The following HPSE2 variants were observed in gnomAD, a reference collection of about 807,000 sequenced individuals.
HPSE2 encodes the protein inactive heparanase-2.
A neutral mutation model predicts 60.5 loss-of-function variants in HPSE2; 38 were observed. The observed-to-expected ratio is 0.63, with a 90% CI of 0.48 to 0.82. The LOEUF (loss-of-function observed/expected upper bound fraction) is 0.82. Ranked by LOEUF, HPSE2 falls within the 40% of genes least tolerant of loss-of-function variation. HPSE2 has a pLI of 0.00. For missense variants in HPSE2, 713 were observed against 740.4 expected (o/e 0.96, Z 0.43); for synonymous variants, 295 against 293.2 (o/e 1.01, Z -0.06).
intron 3 of HPSE2, among the ~76,000 whole-genome samples, chr10:98,769,872 T>A (rs1490169899): frequency 6.6e-6 from 1 of 152,190 alleles, no homozygotes; most frequent in African/African-American, 2.4e-5. Flanking sequence ...CAAAAACATA[T>A]GCACTATTCA....
chr10:98,540,769 TA>T (rs1277708787), intron 9 of HPSE2, among the ~76,000 whole-genome samples: 1 of 152,100 alleles, frequency 6.6e-6, no homozygotes, highest in East Asian at 1.9e-4. Context: ...AATAGCACAT[TA>T]AGACTTATAA....
intron 3 of HPSE2, among the ~76,000 whole-genome samples, chr10:99,100,433 G>A (rs574760227): frequency 6.6e-6 from 1 of 152,224 alleles, no homozygotes; most frequent in South Asian, 2.1e-4. Flanking sequence ...GAGAAGAGAA[G>A]TTTAGAGAAA....
At chr10:99,024,819 T>C (rs141287429) in intron 3 of HPSE2, among the ~76,000 whole-genome samples, 107 of 152,236 alleles carry the variant, frequency 7.0e-4, no homozygotes, top group African/African-American at 2.3e-3. Flanking sequence ...TGTCTAGTAA[T>C]GTATCCTTGA....
intron 3 of HPSE2, among the ~76,000 whole-genome samples, chr10:98,820,518 T>C (rs1209343165): frequency 1.3e-5 from 2 of 152,158 alleles, no homozygotes. Context: ...AACCCTTATA[T>C]GCTCTTCAGA....
At chr10:99,023,235 G>A (rs1053020294) in intron 3 of HPSE2, among the ~76,000 whole-genome samples, 1 of 152,110 alleles carries the variant, frequency 6.6e-6, no homozygotes. Context: ...CTGGGGTGGC[G>A]GTGGCTATGG....
chr10:99,102,519 C>A (rs183441051), intron 3 of HPSE2, among the ~76,000 whole-genome samples: 1 of 152,104 alleles, frequency 6.6e-6, no homozygotes, highest in African/African-American at 2.4e-5. Flanking sequence ...AAGGCCAGGA[C>A]CAGATGGATT....
chr10:99,012,444 A>C (rs1957040076), intron 3 of HPSE2, among the ~76,000 whole-genome samples: 1 of 151,856 alleles, frequency 6.6e-6, no homozygotes, highest in African/African-American at 2.4e-5. Flanking sequence ...TTTTTTTTTA[A>C]CAAGCAGCTC....
chr10:99,018,322 G>C (rs1211240929), intron 3 of HPSE2, among the ~76,000 whole-genome samples: 1 of 152,132 alleles, frequency 6.6e-6, no homozygotes, highest in Non-Finnish European at 1.5e-5. Flanking sequence ...GTTTACGGCT[G>C]GGTTTTCAAG....
chr10:99,305,979 G>GCA, the HPSE2 span, among the ~76,000 whole-genome samples: 2,348 of 80,572 alleles, frequency 0.029, 63 homozygotes, highest in Admixed American at 0.075. Flanking sequence ...GCGCGCGCGC[G>GCA]CACACACACA....
intron 9 of HPSE2, among the ~76,000 whole-genome samples, chr10:98,554,162 C>T (rs1943938463): frequency 6.6e-6 from 1 of 152,162 alleles, no homozygotes; most frequent in South Asian, 2.1e-4. Flanking sequence ...ACCTGTCCTC[C>T]AAGCCTTACC....
intron 3 of HPSE2, among the ~76,000 whole-genome samples, chr10:99,054,184 A>G (rs1038457773): frequency 1.3e-5 from 2 of 152,176 alleles, no homozygotes; most frequent in African/African-American, 4.8e-5. Flanking sequence ...AGGAGTTTAC[A>G]TGGAAAATTG....
At chr10:99,050,161 G>A (rs775520559) in intron 3 of HPSE2, among the ~76,000 whole-genome samples, 1 of 152,100 alleles carries the variant, frequency 6.6e-6, no homozygotes, top group Non-Finnish European at 1.5e-5. Context: ...AATTAGTCAG[G>A]CATGGTGACA....
chr10:98,598,859 G>T (rs1945320176), intron 9 of HPSE2, among the ~76,000 whole-genome samples: 1 of 152,020 alleles, frequency 6.6e-6, no homozygotes, highest in Non-Finnish European at 1.5e-5. Flanking sequence ...TGCGATCATG[G>T]GTACTGGCTG....
At chr10:99,231,947 C>A (rs1198356476) in intron 2 of HPSE2, among the ~76,000 whole-genome samples, 1 of 152,144 alleles carries the variant, frequency 6.6e-6, no homozygotes, top group Non-Finnish European at 1.5e-5. Flanking sequence ...AATCTATGAA[C>A]CTGGCTGAAT....
At chr10:99,118,483 A>G (rs1844800013) in intron 3 of HPSE2, among the ~76,000 whole-genome samples, 2 of 146,934 alleles carry the variant, frequency 1.4e-5, no homozygotes, top group Admixed American at 1.4e-4. Context: ...AGATCACGCC[A>G]CTGCACTCCA....
At chr10:99,022,419 G>T (rs182356716) in intron 3 of HPSE2, among the ~76,000 whole-genome samples, 173 of 152,162 alleles carry the variant, frequency 1.1e-3, no homozygotes, top group African/African-American at 3.8e-3. Context: ...GGCAGTCTAG[G>T]CCATAAGGAC....
chr10:99,269,994 G>A, the HPSE2 span, among the ~76,000 whole-genome samples: 2 of 152,172 alleles, frequency 1.3e-5, no homozygotes, highest in South Asian at 4.1e-4. Flanking sequence ...TAAGAGGAAA[G>A]GTCATAGCAG....
chr10:98,624,664 A>G (rs1319188571), intron 7 of HPSE2, among the ~76,000 whole-genome samples: 1 of 152,192 alleles, frequency 6.6e-6, no homozygotes, highest in African/African-American at 2.4e-5. Context: ...AATGATAAAA[A>G]CTGTAAAATG....
At chr10:98,980,113 A>AG (rs1288623333) in intron 3 of HPSE2, among the ~76,000 whole-genome samples, 1 of 152,174 alleles carries the variant, frequency 6.6e-6, no homozygotes, top group Non-Finnish European at 1.5e-5. Context: ...AAAGTCAGAG[A>AG]GATCTTGGCT....
Sources: gnomAD v4.1 joint callset for allele counts (sites outside exome capture counted in the v4.1 genomes callset) on GRCh38, gnomAD v4.1.1 for gene constraint, MANE v1.5 for transcripts, NCBI Gene and HGNC (gene_info 2026-07-23, HGNC 2026-07-21) for gene names.